The following GALNTL6 variants were observed in gnomAD, a reference collection of about 807,000 sequenced individuals.
GALNTL6 encodes polypeptide N-acetylgalactosaminyltransferase-like 6.
A neutral mutation model predicts 73.7 loss-of-function variants in GALNTL6; 46 were observed. The observed-to-expected ratio is 0.62, with a 90% CI of 0.49 to 0.80. GALNTL6 has a LOEUF of 0.80. Among genes scored for constraint, GALNTL6 ranks in the 30% least tolerant of loss-of-function variants. The pLI is 0.00. For missense variants in GALNTL6, 604 were observed against 755.0 expected (o/e 0.80, Z 2.34); for synonymous variants, 259 against 263.7 (o/e 0.98, Z 0.17).
chr4:172,817,397 T>A (rs1169362079), intron 7 of GALNTL6, among the ~76,000 whole-genome samples: 1 of 152,102 alleles, frequency 6.6e-6, no homozygotes, highest in Non-Finnish European at 1.5e-5. Context: ...CACCACTGCA[T>A]TCAACCTGGG....
chr4:172,576,813 A>G (rs572380616), intron 5 of GALNTL6, among the ~76,000 whole-genome samples: 1 of 152,308 alleles, frequency 6.6e-6, no homozygotes, highest in South Asian at 2.1e-4. Flanking sequence ...GTTCAGGGTG[A>G]CCAACAACAC....
At position 172,068,795 on chromosome 4, in the gene GALNTL6, A is replaced by G. The variant is rs892037023; in HGVS notation, c.139-160861A>G. On this transcript the variant is annotated intron_variant, in intron 2 of 12. Coordinates refer to ENST00000506823, the MANE Select transcript of GALNTL6 (RefSeq NM_001034845.3). Reference sequence around the variant, plus strand: ...TTAGTAAAGATACTTTTGTGAAAGAATAAATGAAATTCCTTTACCCTTGAA... The same window carrying G: ...TTAGTAAAGATACTTTTGTGAAAGAGTAAATGAAATTCCTTTACCCTTGAA... Among the ~76,000 whole-genome samples the G allele has an allele frequency of 5.4e-5, 6 of 111,264 alleles. 2 individuals are homozygous for G. The highest frequency in any genetic ancestry group is 1.3e-4 in the African/African-American group (4 of 29,652). 73.0% of individuals were successfully genotyped at this position (111,264 alleles called of 152,430 possible).
At chr4:171,988,438 T>A (rs1740189143) in intron 2 of GALNTL6, among the ~76,000 whole-genome samples, 1 of 151,992 alleles carries the variant, frequency 6.6e-6, no homozygotes, top group African/African-American at 2.4e-5. Flanking sequence ...GCCTAATGGG[T>A]GTCAGGGTCA....
chr4:172,978,915 GA>G (rs1750955063), intron 10 of GALNTL6, among the ~76,000 whole-genome samples: 1 of 152,192 alleles, frequency 6.6e-6, no homozygotes, highest in Non-Finnish European at 1.5e-5. Flanking sequence ...GAATACGTTA[GA>G]ATCAGGCAAG....
intron 5 of GALNTL6, among the ~76,000 whole-genome samples, chr4:172,622,139 G>T (rs996160102): frequency 1.9e-4 from 29 of 151,986 alleles, no homozygotes; most frequent in Admixed American, 1.3e-4. Context: ...GTAAAAACAA[G>T]AAAATAAGAA....
chr4:172,288,182 C>G (rs1403180468), intron 3 of GALNTL6, among the ~76,000 whole-genome samples: 1 of 151,688 alleles, frequency 6.6e-6, no homozygotes, highest in Non-Finnish European at 1.5e-5. Flanking sequence ...GCTCTGTCTC[C>G]TGGGTTCAAG....
chr4:172,176,493 C>G (rs188383156), intron 2 of GALNTL6, among the ~76,000 whole-genome samples: 1 of 151,454 alleles, frequency 6.6e-6, no homozygotes, highest in Non-Finnish European at 1.5e-5. Context: ...TAGAATGTAG[C>G]CATTTGGGGA....
intron 2 of GALNTL6, among the ~76,000 whole-genome samples, chr4:172,195,160 A>G (rs1735718361): frequency 6.6e-6 from 1 of 152,228 alleles, no homozygotes; most frequent in African/African-American, 2.4e-5. Context: ...ATTACTGACA[A>G]AACAGCCTTA....
chr4:172,017,243 A>T (rs1741225667), intron 2 of GALNTL6, among the ~76,000 whole-genome samples: 1 of 152,146 alleles, frequency 6.6e-6, no homozygotes, highest in Non-Finnish European at 1.5e-5. Context: ...CTGCCATGTC[A>T]GCAAGAAAGC....
chr4:172,263,873 G>A (rs989073598), intron 3 of GALNTL6, among the ~76,000 whole-genome samples: 2 of 151,500 alleles, frequency 1.3e-5, no homozygotes, highest in African/African-American at 4.8e-5. Context: ...ATGGTGGAAT[G>A]GTTCTTCATG....
chr4:173,017,987 G>C (rs1170767170), intron 11 of GALNTL6, among the ~76,000 whole-genome samples: 2 of 152,280 alleles, frequency 1.3e-5, no homozygotes, highest in East Asian at 1.9e-4. Context: ...CTGCAGGCCT[G>C]ATTTTCCCTA....
intron 3 of GALNTL6, among the ~76,000 whole-genome samples, chr4:172,233,898 A>G (rs867877409): frequency 2.0e-5 from 3 of 152,044 alleles, no homozygotes; most frequent in Admixed American, 6.5e-5. Context: ...AATCTATTCT[A>G]TGGTACATTA....
chr4:172,053,278 T>TTC (rs1730929230), intron 2 of GALNTL6, among the ~76,000 whole-genome samples: 1 of 152,108 alleles, frequency 6.6e-6, no homozygotes, highest in Non-Finnish European at 1.5e-5. Context: ...GACATGGTGT[T>TTC]TTTTTAAAAA....
chr4:172,828,259 A>C (rs1742381676), intron 7 of GALNTL6, among the ~76,000 whole-genome samples: 1 of 140,582 alleles, frequency 7.1e-6, no homozygotes, highest in Non-Finnish European at 1.6e-5. Flanking sequence ...GTGACAGAGC[A>C]AGACTCCATC....
At chr4:172,075,036 A>C (rs1410160534) in intron 2 of GALNTL6, among the ~76,000 whole-genome samples, 3 of 152,126 alleles carry the variant, frequency 2.0e-5, no homozygotes, top group Admixed American at 6.6e-5. Flanking sequence ...CTTCTCTTTC[A>C]CTATCAATTA....
intron 2 of GALNTL6, among the ~76,000 whole-genome samples, chr4:171,977,063 C>A (rs973625376): frequency 1.3e-5 from 2 of 152,126 alleles, no homozygotes; most frequent in African/African-American, 4.8e-5. Flanking sequence ...TTTCCTTTTA[C>A]TGATTAATAT....
intron 3 of GALNTL6, among the ~76,000 whole-genome samples, chr4:172,232,311 G>C (rs1486527531): frequency 6.6e-6 from 1 of 152,050 alleles, no homozygotes. Flanking sequence ...GCCAGTGTTT[G>C]AACTTTATCT....
chr4:172,369,226 G>A (rs936665468), intron 5 of GALNTL6, among the ~76,000 whole-genome samples: 1 of 152,148 alleles, frequency 6.6e-6, no homozygotes, highest in Admixed American at 6.5e-5. Flanking sequence ...GCTGACTGGT[G>A]CATTTACAAT....
In GALNTL6 at chr4:172,204,272, G is replaced by A. The variant is rs569246678; in HGVS notation, c.139-25384G>A. ...ATGATAGTCCTTTTTTTAAAACTGC[G>A]TCAATGTAATAACTGAAAGGTAGTT... On this transcript the variant is annotated intron_variant, in intron 2 of 12. Coordinates refer to ENST00000506823, the MANE Select transcript of GALNTL6 (RefSeq NM_001034845.3). Among the ~76,000 whole-genome samples the A allele has an allele frequency of 5.9e-5, 9 of 152,084 alleles. No homozygotes were observed. In the South Asian group the frequency reaches 8.3e-4, roughly 14 times the overall value.
Sources: allele counts gnomAD v4.1 joint callset (sites outside exome capture counted in the v4.1 genomes callset), GRCh38; gene constraint gnomAD v4.1.1; transcripts MANE v1.5; gene names NCBI Gene and HGNC (gene_info 2026-07-23, HGNC 2026-07-21).